Variants in KIF6 observed in about 807,000 individuals in gnomAD.
KIF6 encodes the protein kinesin-like protein KIF6.
KIF6 carries 106 observed loss-of-function variants against 112.7 expected under a neutral mutation model. The ratio of observed to expected loss-of-function variants is 0.94; its 90% CI spans 0.80 to 1.11. The LOEUF (loss-of-function observed/expected upper bound fraction) is 1.11. Ranked by LOEUF, KIF6 falls within the 50% of genes least tolerant of loss-of-function variation. The pLI, the probability that KIF6 is intolerant of heterozygous loss-of-function variation, is 0.00. For synonymous variants in KIF6, 339 were observed against 339.9 expected (o/e 1.00, Z 0.03); for missense variants, 929 against 964.0 (o/e 0.96, Z 0.48).
chr6:39,667,841 C>A (rs919736726), intron 3 of KIF6, among the ~76,000 whole-genome samples: 1 of 152,102 alleles, frequency 6.6e-6, no homozygotes, highest in Non-Finnish European at 1.5e-5. Flanking sequence ...TCTGTCCCCT[C>A]CAAATCTTAC....
chr6:39,476,183 A>G (rs529401343), intron 13 of KIF6, among the ~76,000 whole-genome samples: 1 of 151,896 alleles, frequency 6.6e-6, no homozygotes, highest in South Asian at 2.1e-4. Flanking sequence ...CATCCTGCAC[A>G]TGTATCCCAG....
At chr6:39,723,759 C>G (rs143409919) in intron 1 of KIF6, among the ~76,000 whole-genome samples, 7 of 152,086 alleles carry the variant, frequency 4.6e-5, no homozygotes, top group African/African-American at 1.7e-4. Flanking sequence ...TGGGAGGCTA[C>G]GGGAGGGATA....
At chr6:39,412,117 T>C (rs746640962) in intron 15 of KIF6, among the ~76,000 whole-genome samples, 1 of 152,186 alleles carries the variant, frequency 6.6e-6, no homozygotes, top group African/African-American at 2.4e-5. Flanking sequence ...TCCTTCTCTA[T>C]ATATGATAAT....
chr6:39,440,558 C>T (rs1017140838), intron 13 of KIF6, among the ~76,000 whole-genome samples: 1 of 152,076 alleles, frequency 6.6e-6, no homozygotes, highest in Non-Finnish European at 1.5e-5. Context: ...GTTCCAAACC[C>T]CTGTCTCCTT....
At chr6:39,568,842 A>G (rs766691452) in intron 10 of KIF6, among the ~76,000 whole-genome samples, 17 of 152,122 alleles carry the variant, frequency 1.1e-4, no homozygotes, top group Non-Finnish European at 2.5e-4. Flanking sequence ...TGAGCCACTG[A>G]GCCTGGCCGA....
In KIF6 at chr6:39,346,524, G is replaced by A. The variant is rs1287318278; in HGVS notation, c.2183C>T (p.Ser728Phe). 4.2e-6 allele frequency: 3 copies of A among 711,020 alleles called. No homozygotes were observed. The highest frequency in any genetic ancestry group is 7.8e-6 in the Non-Finnish European group (3 of 384,644). The allele number at this position is 711,020 out of a possible 1,614,324, so 44.0% of individuals were successfully genotyped here. The part of the protein sequence containing the change: ...EWSQLLSNKS[S>F]GGWEVQDQGT... The stretch of plus-strand genomic sequence containing the variant: ...TTGATCTTGGACTTCCCAGCCTCCA[G>A]AACTGTGAAAAATAAACGTTTGTTG... The change falls in exon 20 of 23, where the codon TCT (serine) becomes TTT (phenylalanine). Residue 728 changes from serine to phenylalanine, a missense_variant and splice_region_variant. Transcript: ENST00000287152.
chr6:39,360,509 G>C lies in KIF6; in HGVS notation c.1968C>G (p.Arg656=). The part of the protein sequence containing the change: ...EKRRYKTMFT[R]LKALKVEIEH... ...CGATCTCCACCTTCAGGGCTTTCAG[G>C]CGAGTGAACATTGTTTTATACCTGC... Residue 656 remains arginine, a synonymous_variant, in exon 18 of 23, where the codon CGC becomes CGG. Coordinates refer to ENST00000287152, the MANE Select transcript of KIF6 (RefSeq NM_145027.6). 2 of 1,614,248 alleles carry C rather than the reference G, an allele frequency of 1.2e-6. No homozygotes were observed. The highest frequency in any genetic ancestry group is 1.7e-6 in the Non-Finnish European group (2 of 1,180,042).
Position 39,390,546 on chromosome 6 carries a change from A to C in KIF6, c.1811-4874T>G, listed in dbSNP as rs368705715. The stretch of plus-strand genomic sequence containing the variant: ...TGGTTTGGGACAGGGGCGGCAAGGG[A>C]AGGTTGAGTGGAGGACTAGGGCTGG... On this transcript the variant is annotated intron_variant, in intron 15 of 22. Coordinates refer to ENST00000287152, the MANE Select transcript of KIF6 (RefSeq NM_145027.6). Among the ~76,000 whole-genome samples, 10 of 152,164 alleles carry C rather than the reference A, an allele frequency of 6.6e-5. No individual in the cohort carries two copies. In the East Asian group the frequency reaches 1.5e-3, roughly 24 times the overall value.
At chr6:39,510,872 C>CAAAAAAAAAAAAAAAAAA (rs1180631310) in intron 13 of KIF6, among the ~76,000 whole-genome samples, 4 of 23,860 alleles carry the variant, frequency 1.7e-4, no homozygotes, top group Admixed American at 6.3e-4. Context: ...AAATGGGAAG[C>CAAAAAAAAAAAAAAAAAA]AAAAAAAAAA....
At chr6:39,519,214 G>C (rs1412440501) in intron 13 of KIF6, among the ~76,000 whole-genome samples, 1 of 151,934 alleles carries the variant, frequency 6.6e-6, no homozygotes, top group Non-Finnish European at 1.5e-5. Flanking sequence ...GAGTATTCCT[G>C]GGCATCTGAA....
intron 5 of KIF6, among the ~76,000 whole-genome samples, chr6:39,626,777 CAT>C (rs1410042411): frequency 1.4e-4 from 22 of 152,138 alleles, no homozygotes; most frequent in African/African-American, 2.7e-4. Context: ...TTTATTCAAA[CAT>C]GTGAATTTTC....
chr6:39,638,467 GTAAA>G (rs746261496), intron 4 of KIF6, among the ~76,000 whole-genome samples: 2 of 152,042 alleles, frequency 1.3e-5, no homozygotes, highest in Non-Finnish European at 2.9e-5. Context: ...AAATAAGTGA[GTAAA>G]TGAAAAAAGG....
At chr6:39,587,747 T>C (rs1206459158) in intron 7 of KIF6, among the ~76,000 whole-genome samples, 1 of 152,192 alleles carries the variant, frequency 6.6e-6, no homozygotes, top group Non-Finnish European at 1.5e-5. Context: ...GTCCTGCTCC[T>C]GTCTAAGGCC....
In KIF6 at chr6:39,568,978, A is replaced by ACT. The variant is rs1158120640; in HGVS notation, c.1181+9076_1181+9077dup. Among the ~76,000 whole-genome samples the ACT allele has an allele frequency of 4.0e-5, 6 of 149,436 alleles. No homozygotes were observed. In the East Asian group the frequency reaches 1.2e-3, roughly 29 times the overall value. On this transcript the variant is annotated intron_variant, in intron 10 of 22. Coordinates refer to ENST00000287152, the MANE Select transcript of KIF6 (RefSeq NM_145027.6). Reference sequence around the variant, plus strand: ...TCTCTCTCTCTCTCTGTCTCTCTCCACTCTCTCTCTCTCCAGGTCTACTTC... The same window carrying ACT: ...TCTCTCTCTCTCTCTGTCTCTCTCCACTCTCTCTCTCTCTCCAGGTCTACTTC...
rs77592220 is a variant in KIF6 at position 39,573,581 on chromosome 6, C to T, written c.1181+4475G>A. Among the ~76,000 whole-genome samples the T allele has an allele frequency of 7.9e-3, 1,197 of 152,252 alleles. 17 individuals carry two copies. Among genetic ancestry groups the T allele is most frequent in the African/African-American group, 0.027 (1,123 of 41,550 alleles). ...GCTTTGGCAGGGTGATTTTCGTTTG[C>T]AACATTTGTTCTCCCTAACTGCTAG... On this transcript the variant is annotated intron_variant, in intron 10 of 22. Transcript: ENST00000287152.
intron 15 of KIF6, among the ~76,000 whole-genome samples, chr6:39,404,450 CT>C (rs1768937256): frequency 6.6e-6 from 1 of 151,832 alleles, no homozygotes; most frequent in Non-Finnish European, 1.5e-5. Flanking sequence ...TCTTCATTGC[CT>C]CGGCAGTGTT....
intron 13 of KIF6, among the ~76,000 whole-genome samples, chr6:39,492,604 A>G (rs1340081150): frequency 4.6e-5 from 7 of 152,294 alleles, no homozygotes; most frequent in Middle Eastern, 3.4e-3. Flanking sequence ...ATGTGCCTGG[A>G]TGGATTTTGT....
chr6:39,495,459 G>C (rs1775729535), intron 13 of KIF6, among the ~76,000 whole-genome samples: 1 of 152,142 alleles, frequency 6.6e-6, no homozygotes, highest in African/African-American at 2.4e-5. Context: ...CCTGAGGGTA[G>C]GTGAGGCGAT....
chr6:39,429,704 T>TG (rs1771003769), intron 14 of KIF6, among the ~76,000 whole-genome samples: 2 of 152,154 alleles, frequency 1.3e-5, no homozygotes, highest in South Asian at 4.1e-4. Flanking sequence ...GGTCAGCAGA[T>TG]GAGACCATCG....
Sources: allele counts gnomAD v4.1 joint callset (sites outside exome capture counted in the v4.1 genomes callset), GRCh38; gene constraint gnomAD v4.1.1; transcripts MANE v1.5; gene names NCBI Gene and HGNC (gene_info 2026-07-23, HGNC 2026-07-21).